Variants in IRAK1BP1 observed in about 807,000 individuals in gnomAD.
IRAK1BP1 encodes the protein interleukin-1 receptor-associated kinase 1-binding protein 1.
IRAK1BP1 carries 24 observed loss-of-function variants against 28.0 expected under a neutral mutation model. That is an observed-to-expected ratio of 0.86 (90% CI 0.62 to 1.20). IRAK1BP1 has a LOEUF of 1.20. Among genes scored for constraint, IRAK1BP1 ranks in the 50% most tolerant of loss-of-function variants. IRAK1BP1 has a pLI of 0.00. For missense variants in IRAK1BP1, 336 were observed against 316.7 expected (o/e 1.06, Z -0.46); for synonymous variants, 131 against 116.3 (o/e 1.13, Z -0.81).
intron 4 of IRAK1BP1, among the ~76,000 whole-genome samples, chr6:78,909,876 G>C (rs1409063420): frequency 6.6e-6 from 1 of 152,126 alleles, no homozygotes; most frequent in Admixed American, 6.6e-5. Flanking sequence ...AGCAGAATCA[G>C]TGATGTTATT....
At chr6:78,886,199 A>G (rs1409503092) in intron 2 of IRAK1BP1, among the ~76,000 whole-genome samples, 2 of 152,170 alleles carry the variant, frequency 1.3e-5, no homozygotes, top group African/African-American at 4.8e-5. Context: ...GGCAGATAAT[A>G]CATTATTTTT....
chr6:78,947,849 C>A, downstream of IRAK1BP1: 2 of 1,034,740 alleles, frequency 1.9e-6, no homozygotes, highest in Non-Finnish European at 2.9e-6. Context: ...GGGATTCGCA[C>A]AGGATTTTTA....
chr6:78,872,745 T>C (rs765462299), intron 1 of IRAK1BP1, among the ~76,000 whole-genome samples: 3 of 152,212 alleles, frequency 2.0e-5, no homozygotes, highest in Non-Finnish European at 2.9e-5. Flanking sequence ...TGAAAAATTG[T>C]ACTCTAAAAA....
chr6:78,929,702 A>T (rs113436817), intron 4 of IRAK1BP1, among the ~76,000 whole-genome samples: 2,362 of 152,294 alleles, frequency 0.016, 63 homozygotes, highest in African/African-American at 0.054. Context: ...TTATATTTTT[A>T]AAATGGCTTT....
intron 4 of IRAK1BP1, among the ~76,000 whole-genome samples, chr6:78,918,435 G>T (rs750664060): frequency 1.3e-5 from 2 of 151,960 alleles, no homozygotes; most frequent in African/African-American, 2.4e-5. Flanking sequence ...TCTGTCTGCT[G>T]TCTTCAAGGG....
At chr6:78,915,532 C>G (rs1056192238) in intron 4 of IRAK1BP1, among the ~76,000 whole-genome samples, 6 of 152,148 alleles carry the variant, frequency 3.9e-5, no homozygotes, top group Non-Finnish European at 7.4e-5. Flanking sequence ...TCAGACTATC[C>G]TAGCCAATAA....
downstream of IRAK1BP1, chr6:78,947,651 T>C: frequency 6.7e-7 from 1 of 1,486,344 alleles, no homozygotes; most frequent in Non-Finnish European, 9.4e-7. Context: ...TGTATATGCT[T>C]TGGAATTACT....
intron 4 of IRAK1BP1, among the ~76,000 whole-genome samples, chr6:78,911,790 C>G (rs1772429523): frequency 6.6e-6 from 1 of 152,182 alleles, no homozygotes; most frequent in Non-Finnish European, 1.5e-5. Flanking sequence ...GAAGTAGCTT[C>G]TGTTACCCTC....
intron 2 of IRAK1BP1, among the ~76,000 whole-genome samples, chr6:78,887,215 T>C (rs947939317): frequency 6.6e-6 from 1 of 152,106 alleles, no homozygotes; most frequent in Non-Finnish European, 1.5e-5. Context: ...ATTTTAAAAA[T>C]GAACGAAGGA....
rs548688172 is a variant in IRAK1BP1, at chr6:78,943,314, A to G, written c.*68-2094A>G. Among the ~76,000 whole-genome samples, 4 of 152,300 alleles carry G rather than the reference A, an allele frequency of 2.6e-5. No homozygotes were observed. In the East Asian group the frequency reaches 7.7e-4, roughly 29 times the overall value. On this transcript the variant is annotated intron_variant and NMD_transcript_variant, in intron 4 of 4. Transcript: ENST00000606868. ...AATGATATTTCTATACAGTACCAGT[A>G]CTCGAGTATTTGTAATACTCAAAAA... is the stretch of plus-strand genomic sequence containing the variant.
downstream of IRAK1BP1, chr6:78,946,923 C>T: frequency 8.4e-7 from 1 of 1,183,866 alleles, no homozygotes; most frequent in Non-Finnish European, 1.2e-6. Flanking sequence ...AGGAAAATAC[C>T]TTTGTTCAGT....
At chr6:78,893,308 G>GTATA (rs1247307680) in intron 2 of IRAK1BP1, among the ~76,000 whole-genome samples, 6 of 87,784 alleles carry the variant, frequency 6.8e-5, no homozygotes, top group East Asian at 4.2e-4. Context: ...GTGTGTGTGT[G>GTATA]TGTGTGTATA....
At chr6:78,872,058 G>A (rs1770812765) in intron 1 of IRAK1BP1, 1 of 693,416 alleles carries the variant, frequency 1.4e-6, no homozygotes, top group East Asian at 2.7e-5. Context: ...GAAGGCTAAT[G>A]TAGAACTAGA....
intron 4 of IRAK1BP1, chr6:78,938,761 T>C (rs1364837163): frequency 6.6e-6 from 1 of 151,678 alleles, no homozygotes; most frequent in Non-Finnish European, 1.5e-5. Context: ...ATCTCAGCAA[T>C]GCAGTCAAGA....
chr6:78,965,851 T>C, the IRAK1BP1 span: 2 of 1,190,860 alleles, frequency 1.7e-6, no homozygotes, highest in East Asian at 2.3e-5. Flanking sequence ...TAATTGCTTC[T>C]GTGTTTAAAA....
chr6:78,976,783 C>A, the IRAK1BP1 span, among the ~76,000 whole-genome samples: 1 of 145,666 alleles, frequency 6.9e-6, no homozygotes, highest in African/African-American at 2.5e-5. Flanking sequence ...AAATGCTCAC[C>A]ATCACTGCCC....
intron 4 of IRAK1BP1, among the ~76,000 whole-genome samples, chr6:78,910,446 A>G (rs1171023471): frequency 6.6e-6 from 1 of 152,254 alleles, no homozygotes; most frequent in Non-Finnish European, 1.5e-5. Context: ...CCCGAAGAGT[A>G]AACTATTCAT....
intron 2 of IRAK1BP1, among the ~76,000 whole-genome samples, chr6:78,887,978 A>G (rs1025368842): frequency 3.9e-5 from 6 of 152,152 alleles, no homozygotes; most frequent in East Asian, 1.9e-4. Flanking sequence ...AGATAAATGG[A>G]TAAAGAAAAT....
intron 4 of IRAK1BP1, chr6:78,935,332 CT>C (rs1773231639): frequency 6.3e-6 from 1 of 159,008 alleles, no homozygotes; most frequent in African/African-American, 2.4e-5. Flanking sequence ...ATGTTATGGC[CT>C]TATGTATTCA....
Sources: gnomAD v4.1 joint callset for allele counts (sites outside exome capture counted in the v4.1 genomes callset) on GRCh38, gnomAD v4.1.1 for gene constraint, MANE v1.5 for transcripts, NCBI Gene and HGNC (gene_info 2026-07-23, HGNC 2026-07-21) for gene names.